Variants in CALCRL observed in about 807,000 individuals in gnomAD.
CALCRL encodes calcitonin receptor like receptor, also known as calcitonin gene-related peptide type 1 receptor.
In CALCRL, 27 loss-of-function variants were observed where a neutral mutation model predicts 60.4. That is an observed-to-expected ratio of 0.45 (90% confidence interval 0.33 to 0.62). The LOEUF is 0.62. Among genes scored for constraint, CALCRL ranks in the 20% least tolerant of loss-of-function variants. The pLI is 0.03. For synonymous variants in CALCRL, 190 were observed against 182.6 expected (o/e 1.04, Z -0.33); for missense variants, 424 against 540.7 (o/e 0.78, Z 2.14).
At chr2:187,381,515 G>A (rs1687985632) in intron 5 of CALCRL, among the ~76,000 whole-genome samples, 1 of 151,888 alleles carries the variant, frequency 6.6e-6, no homozygotes, top group Non-Finnish European at 1.5e-5. Context: ...GAGTGCAGTG[G>A]TGTGATCTCG....
intron 1 of CALCRL, among the ~76,000 whole-genome samples, chr2:187,445,783 T>C (rs961409947): frequency 1.3e-5 from 2 of 151,542 alleles, no homozygotes; most frequent in Non-Finnish European, 3.0e-5. Flanking sequence ...ACATAAATAT[T>C]CTTACAAATA....
chr2:187,397,488 G>A (rs1688711055), intron 1 of CALCRL, among the ~76,000 whole-genome samples: 1 of 151,454 alleles, frequency 6.6e-6, no homozygotes, highest in Non-Finnish European at 1.5e-5. Context: ...AGAATATAAT[G>A]CTAAGCCAAT....
intron 1 of CALCRL, among the ~76,000 whole-genome samples, chr2:187,418,037 C>G (rs564864053): frequency 1.9e-4 from 29 of 152,260 alleles, no homozygotes; most frequent in African/African-American, 6.5e-4. Flanking sequence ...TCCATGCAGT[C>G]AAGTTACTAC....
At chr2:187,387,982 A>G (rs1688276906) in intron 1 of CALCRL, among the ~76,000 whole-genome samples, 1 of 152,108 alleles carries the variant, frequency 6.6e-6, no homozygotes, top group Non-Finnish European at 1.5e-5. Context: ...ATATTATGAG[A>G]ACACACTTGG....
chr2:187,352,089 T>G, intron 13 of CALCRL, 25 bp downstream of exon 13: 1 of 1,598,598 alleles, frequency 6.3e-7, no homozygotes. Flanking sequence ...CTTCTCAAGC[T>G]GCCTTCTTAT....
At chr2:187,385,313 C>A (rs1160770221) in intron 4 of CALCRL, among the ~76,000 whole-genome samples, 1 of 151,914 alleles carries the variant, frequency 6.6e-6, no homozygotes, top group Non-Finnish European at 1.5e-5. Flanking sequence ...CCTCTGGTGT[C>A]TTATGCATGT....
At chr2:187,435,865 CGTGCGTGT>C (rs1553516608) in intron 1 of CALCRL, among the ~76,000 whole-genome samples, 6,026 of 148,408 alleles carry the variant, frequency 0.041, 172 homozygotes, top group South Asian at 0.11. Context: ...TGTGTTTGTG[CGTGCGTGT>C]GTGTGTGTGT....
intron 8 of CALCRL, among the ~76,000 whole-genome samples, chr2:187,375,043 C>T (rs572937659): frequency 2.6e-5 from 4 of 151,576 alleles, no homozygotes; most frequent in Non-Finnish European, 5.9e-5. Flanking sequence ...GAGGCCGAGG[C>T]GGGTGGATCA....
At chr2:187,383,728 AT>A (rs1688083785) in intron 4 of CALCRL, among the ~76,000 whole-genome samples, 2 of 152,190 alleles carry the variant, frequency 1.3e-5, no homozygotes, top group African/African-American at 2.4e-5. Context: ...ATAGTATAAA[AT>A]AGCATCAAGA....
chr2:187,350,482 C>A (rs56295242), intron 14 of CALCRL, among the ~76,000 whole-genome samples: 19,732 of 151,176 alleles, frequency 0.13, 1,513 homozygotes, highest in East Asian at 0.25. Flanking sequence ...TTCTGTATAG[C>A]AGAAGAATTA....
At chr2:187,415,555 A>T (rs1689564485) in intron 1 of CALCRL, 2 of 471,084 alleles carry the variant, frequency 4.2e-6, no homozygotes, top group South Asian at 5.4e-5. Context: ...AAACTCTGCC[A>T]ATGTGTCAGT....
chr2:187,418,227 A>G (rs1178909329), intron 1 of CALCRL, among the ~76,000 whole-genome samples: 1 of 152,204 alleles, frequency 6.6e-6, no homozygotes, highest in African/African-American at 2.4e-5. Context: ...AATTGTGTAT[A>G]TCATTCTCTG....
At chr2:187,383,135 T>C in intron 5 of CALCRL, 38 bp downstream of exon 5, 1 of 1,592,408 alleles carries the variant, frequency 6.3e-7, no homozygotes, top group African/African-American at 1.4e-5. Context: ...CTTTTAAAAA[T>C]ATGTCAAATG....
At chr2:187,386,603 A>AT (rs1273977102) in intron 3 of CALCRL, among the ~76,000 whole-genome samples, 2 of 152,166 alleles carry the variant, frequency 1.3e-5, no homozygotes, top group Admixed American at 1.3e-4. Context: ...TAGCTTCCTA[A>AT]TTCTAAGAGA....
chr2:187,369,069 A>G (rs111920500), intron 8 of CALCRL, among the ~76,000 whole-genome samples: 139 of 152,206 alleles, frequency 9.1e-4, no homozygotes, highest in African/African-American at 3.0e-3. Context: ...AAGGTGCTCA[A>G]TGAAGGTCCT....
At chr2:187,362,682 A>G (rs1424932058) in intron 9 of CALCRL, among the ~76,000 whole-genome samples, 1 of 152,100 alleles carries the variant, frequency 6.6e-6, no homozygotes, top group Non-Finnish European at 1.5e-5. Flanking sequence ...TAATTTAAAC[A>G]TTTTACATAT....
chr2:187,419,919 G>A (rs796358709), intron 1 of CALCRL, among the ~76,000 whole-genome samples: 2 of 152,142 alleles, frequency 1.3e-5, no homozygotes, highest in African/African-American at 4.8e-5. Flanking sequence ...ATAACTGTTA[G>A]TTCTGGAGTC....
chr2:187,430,130 G>A (rs536525377), intron 1 of CALCRL, among the ~76,000 whole-genome samples: 93 of 152,312 alleles, frequency 6.1e-4, no homozygotes, highest in African/African-American at 2.2e-3. Context: ...GGCATTTTGA[G>A]CATTCAAACC....
chr2:187,419,731 A>T (rs542083071), intron 1 of CALCRL, among the ~76,000 whole-genome samples: 1 of 152,370 alleles, frequency 6.6e-6, no homozygotes, highest in East Asian at 1.9e-4. Flanking sequence ...AGAGCAACTT[A>T]TGTTAACTGA....
Sources: gnomAD v4.1 joint callset for allele counts (sites outside exome capture counted in the v4.1 genomes callset) on GRCh38, gnomAD v4.1.1 for gene constraint, MANE v1.5 for transcripts, NCBI Gene and HGNC (gene_info 2026-07-23, HGNC 2026-07-21) for gene names.